ANXA5: variants seen among roughly 807,000 people sequenced by gnomAD.
ANXA5 encodes the protein CBP-I.
A neutral mutation model predicts 48.1 loss-of-function variants in ANXA5; 40 were observed. The ratio of observed to expected loss-of-function variants is 0.83; its 90% CI spans 0.65 to 1.08. ANXA5 has a LOEUF of 1.08. Ranked by LOEUF, ANXA5 falls within the 50% of genes least tolerant of loss-of-function variation. The pLI is 0.00. For synonymous variants in ANXA5, 113 were observed against 129.1 expected (o/e 0.88, Z 0.85); for missense variants, 357 against 376.8 (o/e 0.95, Z 0.44).
intron 6 of ANXA5, among the ~76,000 whole-genome samples, chr4:121,680,569 G>A (rs910173917): frequency 6.6e-6 from 1 of 152,144 alleles, no homozygotes; most frequent in Non-Finnish European, 1.5e-5. Flanking sequence ...CACACCTTTT[G>A]TCACTCATGA....
intron 4 of ANXA5, among the ~76,000 whole-genome samples, chr4:121,683,685 C>T (rs1047570715): frequency 1.3e-5 from 2 of 151,746 alleles, no homozygotes; most frequent in African/African-American, 2.4e-5. Flanking sequence ...CCCACTTATA[C>T]GTCAAGATAT....
In ANXA5 at chr4:121,681,537, G is replaced by A. The variant is rs1241150695; in HGVS notation, c.394+134C>T. 1.4e-5 allele frequency: 8 copies of A among 576,392 alleles called. No individual in the cohort carries two copies. The African/African-American group carries it at 1.5e-4, about 11-fold the overall frequency. 35.7% of individuals were successfully genotyped at this position (576,392 alleles called of 1,614,324 possible). ...AGGAGAAAAATAGCTTGAATTGCAG[G>A]TCATTCATTCATTCATTCATTCATC... On this transcript the variant is annotated intron_variant, in intron 6 of 12. Coordinates refer to ENST00000296511, the MANE Select transcript of ANXA5 (RefSeq NM_001154.4).
intron 8 of ANXA5, among the ~76,000 whole-genome samples, chr4:121,672,929 T>C (rs1435036888): frequency 3.9e-5 from 6 of 152,178 alleles, no homozygotes; most frequent in African/African-American, 1.4e-4. Context: ...GAAGCAACAG[T>C]ATGGGTCAGG....
At chr4:121,684,877 G>T in intron 3 of ANXA5, 106 bp from the exon 4 acceptor site, 1 of 817,402 alleles carries the variant, frequency 1.2e-6, no homozygotes, top group Non-Finnish European at 2.0e-6. Flanking sequence ...CTCTCCCTAT[G>T]CGAATATAAA....
chr4:121,671,889 G>A (rs964086318), intron 9 of ANXA5, among the ~76,000 whole-genome samples: 1 of 152,100 alleles, frequency 6.6e-6, no homozygotes, highest in Non-Finnish European at 1.5e-5. Context: ...TCTACTGGAG[G>A]GGATGCTGAG....
Position 121,696,914 on chromosome 4 carries a change from CGGGCGACGGTACGCG to C in ANXA5, c.-102_-88del. 1 of 258,306 alleles carries C rather than the reference CGGGCGACGGTACGCG, an allele frequency of 3.9e-6. No homozygotes were observed. 16.0% of individuals were successfully genotyped at this position (258,306 alleles called of 1,614,324 possible). On this transcript the variant is annotated 5_prime_UTR_variant, in exon 1 of 13. Coordinates refer to ENST00000296511, the MANE Select transcript of ANXA5 (RefSeq NM_001154.4). Reference sequence around the variant, plus strand: ...AAACCCCGGGAGAGCGGCGGAGAGCCGGGCGACGGTACGCGGGGCGACGCCGAGATGCAGACGCTG... The same window carrying C: ...AAACCCCGGGAGAGCGGCGGAGAGCCGGGCGACGCCGAGATGCAGACGCTG...
chr4:121,692,659 C>G (rs990011162), intron 2 of ANXA5, among the ~76,000 whole-genome samples: 1 of 152,200 alleles, frequency 6.6e-6, no homozygotes, highest in Non-Finnish European at 1.5e-5. Flanking sequence ...GTTGTTACCT[C>G]TCTGTATGAT....
At chr4:121,681,864 T>G in intron 5 of ANXA5, 103 bp from the exon 6 acceptor site, 3 of 710,748 alleles carry the variant, frequency 4.2e-6, no homozygotes, top group Non-Finnish European at 7.1e-6. Context: ...TATATAAATA[T>G]TATCCAGTAT....
chr4:121,677,940 T>A lies in ANXA5; in HGVS notation c.485A>T (p.Asp162Val), dbSNP rs777608832. 2 of 1,613,700 alleles carry A rather than the reference T, an allele frequency of 1.2e-6. No homozygotes were observed. The highest frequency in any genetic ancestry group is 1.7e-6 in the Non-Finnish European group (2 of 1,179,714). The stretch of plus-strand genomic sequence containing the variant: ...AGCTTCATCAATTCCAGCATCAGGG[T>A]CTCTGTTAGCCTATGAGAGGTAATA... ...MLVVLLQANR[D>V]PDAGIDEAQV... is the part of the protein sequence containing the mutation. Residue 162 changes from aspartate (D) to valine (V), a missense_variant, in exon 8 of 13, where the codon GAC becomes GTC. Physicochemically the swap from Asp to Val is radical, Grantham distance 152. Transcript: ENST00000296511.
At chr4:121,694,810 CTG>C (rs1313828216) in intron 2 of ANXA5, among the ~76,000 whole-genome samples, 3 of 152,164 alleles carry the variant, frequency 2.0e-5, no homozygotes, top group Non-Finnish European at 2.9e-5. Flanking sequence ...TTAGTAAAAA[CTG>C]TAGTTTTGAT....
rs1320074092 is a variant in ANXA5 at position 121,677,893 on chromosome 4, C to A, written c.531+1G>T. The A allele has an allele frequency of 2.5e-6, 4 of 1,612,826 alleles. No homozygotes were observed. On this transcript the variant is annotated splice_donor_variant, in intron 8 of 12. Coordinates refer to ENST00000296511, the MANE Select transcript of ANXA5 (RefSeq NM_001154.4). LOFTEE classifies it high-confidence loss of function. ...AGTCATCATATCCTGGTGTCACTCACCTGAGCATCTTGTTCAACTTGAGCT... is the reference window on the plus strand; with the variant it reads ...AGTCATCATATCCTGGTGTCACTCAACTGAGCATCTTGTTCAACTTGAGCT...
intron 6 of ANXA5, among the ~76,000 whole-genome samples, chr4:121,679,625 C>G (rs1196038224): frequency 2.0e-5 from 3 of 152,132 alleles, no homozygotes; most frequent in Non-Finnish European, 4.4e-5. Flanking sequence ...AGGCCCTCTC[C>G]GTCCCTCAAT....
chr4:121,684,579 A>G (rs1724846592), intron 4 of ANXA5, 98 bp downstream of exon 4: 1 of 1,053,746 alleles, frequency 9.5e-7, no homozygotes, highest in Non-Finnish European at 1.4e-6. Context: ...GAATCACAAA[A>G]TAAATGATGC....
Position 121,669,728 on chromosome 4 carries a change from TA to T in ANXA5, c.781-5del, listed in dbSNP as rs71599153. On this transcript the variant is annotated splice_region_variant and splice_polypyrimidine_tract_variant and intron_variant, in intron 11 of 12. Coordinates refer to ENST00000296511, the MANE Select transcript of ANXA5 (RefSeq NM_001154.4). ...TATGATCATCTGTCCCAGCTCCCTT[TA>T]AAAAAAAAAAAAAAGAGAGAAGCAA... 154,129 of 1,380,794 alleles carry T rather than the reference TA, an allele frequency of 0.11. No individual in the cohort carries two copies. Among genetic ancestry groups the T allele is most frequent in the Non-Finnish European group, 0.12 (120,583 of 1,023,024 alleles). The allele number at this position is 1,380,794 out of a possible 1,614,324, so 85.5% of individuals were successfully genotyped here. A position where few individuals can be genotyped will look rare whatever the true frequency, so the allele number is the denominator to read the frequency against.
In ANXA5 at chr4:121,683,476, T is replaced by C. The variant is rs770551516; in HGVS notation, c.191A>G (p.Asp64Gly). ...TTCTGATTTCAGGTCATCCAGAAGATCCTAACCCACAGAAAATACAAATTT... is the reference window on the plus strand; with the variant it reads ...TTCTGATTTCAGGTCATCCAGAAGACCCTAACCCACAGAAAATACAAATTT... ...SAAFKTLFGR[D>G]LLDDLKSELT... The change falls in exon 5 of 13, where the codon GAT (aspartate) becomes GGT (glycine). Residue 64 changes from aspartate (D) to glycine (G), a missense_variant and splice_region_variant. Transcript: ENST00000296511. 5 of 1,560,910 alleles carry C rather than the reference T, an allele frequency of 3.2e-6. No individual in the cohort carries two copies. The South Asian group carries it at 4.6e-5, about 14-fold the overall frequency.
chr4:121,683,611 CA>C, intron 4 of ANXA5, 134 bp from the exon 5 acceptor site: 1 of 539,832 alleles, frequency 1.9e-6, no homozygotes, highest in Non-Finnish European at 3.3e-6. Context: ...ATGAGCTAAA[CA>C]AAACCCTATA....
At chr4:121,689,209 T>C (rs1186916923) in intron 2 of ANXA5, among the ~76,000 whole-genome samples, 1 of 152,198 alleles carries the variant, frequency 6.6e-6, no homozygotes, top group Non-Finnish European at 1.5e-5. Flanking sequence ...ATGAGACCAC[T>C]TCAAATTGAT....
At chr4:121,683,584 C>A in intron 4 of ANXA5, 107 bp from the exon 5 acceptor site, 1 of 622,432 alleles carries the variant, frequency 1.6e-6, no homozygotes, top group South Asian at 2.3e-5. Flanking sequence ...ATGTTGCTGT[C>A]TCCAAGTAGA....
Position 121,683,394 on chromosome 4 carries a change from A to G in ANXA5, c.273T>C (p.Tyr91=), listed in dbSNP as rs1207089098. ...IVALMKPSRL[Y]DAYELKHALK... is the part of the protein sequence containing the mutation. The stretch of plus-strand genomic sequence containing the variant: ...AGGCATGTTTCAGTTCATAAGCATC[A>G]TAAAGCCGAGAGGGTTTCATCAGAG... Residue 91 remains tyrosine, a synonymous_variant, in exon 5 of 13, where the codon TAT becomes TAC. Transcript: ENST00000296511. 1 of 1,608,110 alleles carries G rather than the reference A, an allele frequency of 6.2e-7. No individual in the cohort carries two copies. The highest frequency in any genetic ancestry group is 1.7e-5 in the Admixed American group (1 of 59,434).
Sources: gnomAD v4.1 joint callset for allele counts (sites outside exome capture counted in the v4.1 genomes callset) on GRCh38, gnomAD v4.1.1 for gene constraint, MANE v1.5 for transcripts, NCBI Gene and HGNC (gene_info 2026-07-23, HGNC 2026-07-21) for gene names.